The following PCDH7 variants were observed in gnomAD, a reference collection of about 807,000 sequenced individuals.
The protein encoded by PCDH7 is protocadherin-7.
Under a neutral mutation model 58.9 loss-of-function variants are expected in PCDH7, and 17 were observed. That is an observed-to-expected ratio of 0.29 (90% CI 0.20 to 0.43). The LOEUF (loss-of-function observed/expected upper bound fraction) is 0.43. PCDH7 is among the 20% of genes least tolerant of loss of function. The probability of loss-of-function intolerance (pLI) is 1.00; values close to 1 mark genes in which losing one functional copy is unlikely to be tolerated. For synonymous variants in PCDH7, 664 were observed against 616.4 expected, an observed-to-expected ratio of 1.08 and a Z score of -1.14; for missense variants, 1,274 against 1,441.0, an observed-to-expected ratio of 0.88 and a Z score of 1.88.
chr4:30,787,498 T>C (rs1430706777), intron 1 of PCDH7, among the ~76,000 whole-genome samples: 1 of 152,098 alleles, frequency 6.6e-6, no homozygotes, highest in East Asian at 1.9e-4. Context: ...AGAAGATAGA[T>C]CACAGTATAT....
intron 1 of PCDH7, among the ~76,000 whole-genome samples, chr4:30,902,780 A>G (rs1407940306): frequency 6.6e-6 from 1 of 152,196 alleles, no homozygotes; most frequent in Non-Finnish European, 1.5e-5. Context: ...GTCTTCAAAT[A>G]TGAAATGTAA....
chr4:30,782,206 GTT>G (rs1164403243), intron 1 of PCDH7, among the ~76,000 whole-genome samples: 1 of 152,048 alleles, frequency 6.6e-6, no homozygotes, highest in African/African-American at 2.4e-5. Flanking sequence ...ACTTGTATAA[GTT>G]TGCTTATTTT....
intron 1 of PCDH7, among the ~76,000 whole-genome samples, chr4:30,798,912 TA>T (rs1389044306): frequency 1.3e-5 from 2 of 152,144 alleles, no homozygotes; most frequent in South Asian, 2.1e-4. Context: ...CTTCCTGGTT[TA>T]AAAAAAGAAT....
At chr4:30,884,747 G>A (rs902563555) in intron 1 of PCDH7, 1 of 152,114 alleles carries the variant, frequency 6.6e-6, no homozygotes, top group Non-Finnish European at 1.5e-5. Context: ...GATTGCATAT[G>A]CAAACAAAAA....
At chr4:31,142,765 C>A (rs1238384230) in exon 4 of PCDH7, 1 of 1,367,438 alleles carries the variant, frequency 7.3e-7, no homozygotes, top group Non-Finnish European at 9.8e-7. Context: ...AGGAAGCCAA[C>A]CCTGAGGATA....
rs140841636 is a variant in PCDH7, at chr4:30,775,946, G to A, written c.70+51350G>A. On this transcript the variant is annotated intron_variant, in intron 1 of 3. Coordinates refer to the PCDH7 transcript ENST00000509759. Reference sequence around the variant, plus strand: ...TGCCCACATTTCAGAAAGGCCAGAGGTCTACAAGTGTAACGCTTGGCGATT... The same window carrying A: ...TGCCCACATTTCAGAAAGGCCAGAGATCTACAAGTGTAACGCTTGGCGATT... Among the ~76,000 whole-genome samples, 38 of 152,144 alleles carry A rather than the reference G, an allele frequency of 2.5e-4. No homozygotes were observed. In the East Asian group the frequency reaches 6.0e-3, roughly 24 times the overall value.
intron 3 of PCDH7, among the ~76,000 whole-genome samples, chr4:31,100,382 A>G (rs1714751820): frequency 6.6e-6 from 1 of 152,214 alleles, no homozygotes; most frequent in African/African-American, 2.4e-5. Flanking sequence ...ACTTTTAGTA[A>G]GATACAGATG....
chr4:31,128,114 TAC>T (rs1222292557), intron 3 of PCDH7, among the ~76,000 whole-genome samples: 2 of 151,306 alleles, frequency 1.3e-5, no homozygotes, highest in South Asian at 2.1e-4. Flanking sequence ...TGTATATATA[TAC>T]ACATATATAT....
chr4:30,756,545 C>G (rs756661781), intron 1 of PCDH7, among the ~76,000 whole-genome samples: 1 of 152,160 alleles, frequency 6.6e-6, no homozygotes, highest in Admixed American at 6.5e-5. Flanking sequence ...GCTGACACCC[C>G]GAATACGGTA....
chr4:30,892,333 A>C (rs1738724428), intron 1 of PCDH7, among the ~76,000 whole-genome samples: 1 of 152,050 alleles, frequency 6.6e-6, no homozygotes, highest in Non-Finnish European at 1.5e-5. Flanking sequence ...TAGAATTTAT[A>C]ATCTTTTGTT....
At chr4:30,857,014 G>A (rs1014013278) in intron 1 of PCDH7, among the ~76,000 whole-genome samples, 1 of 151,878 alleles carries the variant, frequency 6.6e-6, no homozygotes. Flanking sequence ...GTGACTCAAC[G>A]TGGAGGTTGA....
Position 30,723,754 on chromosome 4 carries a change from G to C in PCDH7, c.2332G>C (p.Asp778His). ...AGACAGTGATGATGGCATCAATGCAGACCTGAACTACAGCATTGTGGGAGG... is the reference window on the plus strand; with the variant it reads ...AGACAGTGATGATGGCATCAATGCACACCTGAACTACAGCATTGTGGGAGG... The change falls in exon 1 of 2, where the codon GAC becomes CAC. Residue 778 changes from aspartate to histidine, a missense_variant. By Grantham distance (81) the Asp-to-His change is moderately conservative. Coordinates refer to ENST00000361762, the Ensembl canonical transcript of PCDH7. The surrounding 1 kb of genome is among the most constrained non-coding windows in gnomAD (Gnocchi z 4.6). The C allele has an allele frequency of 2.5e-6, 4 of 1,614,138 alleles. No individual in the cohort carries two copies. Among genetic ancestry groups the C allele is most frequent in the Non-Finnish European group, 3.4e-6 (4 of 1,180,034 alleles).
chr4:30,786,830 A>G (rs1577800716), intron 1 of PCDH7: 1 of 760,630 alleles, frequency 1.3e-6, no homozygotes, highest in Non-Finnish European at 1.6e-6. Flanking sequence ...CCAACTCAAT[A>G]TGTTGGATCC....
intron 3 of PCDH7, among the ~76,000 whole-genome samples, chr4:30,970,409 C>T (rs552998366): frequency 5.9e-5 from 9 of 152,210 alleles, no homozygotes; most frequent in African/African-American, 1.4e-4. Context: ...ATTCTCCTGC[C>T]TCAGCCTCCC....
chr4:30,851,296 T>G (rs1344625353), intron 1 of PCDH7, among the ~76,000 whole-genome samples: 6 of 151,980 alleles, frequency 3.9e-5, no homozygotes, highest in Non-Finnish European at 8.8e-5. Flanking sequence ...TACCTACTTT[T>G]GAATCTAGTT....
At chr4:31,021,921 T>G (rs1379937713) in intron 3 of PCDH7, among the ~76,000 whole-genome samples, 2 of 152,194 alleles carry the variant, frequency 1.3e-5, no homozygotes, top group Non-Finnish European at 2.9e-5. Flanking sequence ...AACAGCAACG[T>G]TCATCTTTGT....
At chr4:30,805,554 A>G (rs1452786572) in intron 1 of PCDH7, among the ~76,000 whole-genome samples, 1 of 152,254 alleles carries the variant, frequency 6.6e-6, no homozygotes, top group African/African-American at 2.4e-5. Flanking sequence ...TATTACAAAC[A>G]TAATAGAGCA....
At chr4:30,824,157 T>C (rs1005920201) in intron 1 of PCDH7, among the ~76,000 whole-genome samples, 1 of 118,846 alleles carries the variant, frequency 8.4e-6, no homozygotes, top group African/African-American at 3.2e-5. Flanking sequence ...CTTTCTTTCT[T>C]TCTTTTTGCT....
At chr4:30,990,470 T>C (rs1242425297) in intron 3 of PCDH7, among the ~76,000 whole-genome samples, 1 of 152,148 alleles carries the variant, frequency 6.6e-6, no homozygotes, top group African/African-American at 2.4e-5. Context: ...GAAAGAATTC[T>C]TACCCTTTCT....
Sources: allele counts gnomAD v4.1 joint callset (sites outside exome capture counted in the v4.1 genomes callset), GRCh38; gene constraint gnomAD v4.1.1; non-coding constraint Gnocchi (gnomAD v3.1); transcripts MANE v1.5; gene names NCBI Gene and HGNC (gene_info 2026-07-23, HGNC 2026-07-21).